Variants in GSTCD observed in about 807,000 individuals in gnomAD.
GSTCD encodes the protein glutathione S-transferase C-terminal domain containing, also known as glutathione S-transferase C-terminal domain-containing protein.
A neutral mutation model predicts 68.3 loss-of-function variants in GSTCD; 44 were observed. The ratio of observed to expected loss-of-function variants is 0.64; its 90% confidence interval spans 0.51 to 0.83. GSTCD has a LOEUF of 0.83. GSTCD is among the 40% of genes least tolerant of loss of function. The pLI is 0.00. For synonymous variants in GSTCD, 273 were observed against 255.2 expected, an observed-to-expected ratio of 1.07 and a Z score of -0.67; for missense variants, 739 against 735.9, an observed-to-expected ratio of 1.00 and a Z score of -0.05.
At position 105,834,587 on chromosome 4, in the gene GSTCD, C is replaced by G. The variant is rs756961867; in HGVS notation, c.1657C>G (p.Pro553Ala). 1 of 1,613,354 alleles carries G rather than the reference C, an allele frequency of 6.2e-7. No homozygotes were observed. ...TCAGAACACCTCAAAGTTCAATTTT[C>G]CAAAAAGGTGAGAAATTCAGTGTTC... ...FIQNTSKFNF[P>A]KSEQFKKTLS... is the part of the protein sequence containing the mutation. Residue 553 changes from proline to alanine, a missense_variant, in exon 9 of 12, where the codon CCA (proline) becomes GCA (alanine). Coordinates refer to ENST00000515279, the MANE Select transcript of GSTCD (RefSeq NM_001370181.1).
chr4:105,831,691 G>GT (rs1389974541), intron 8 of GSTCD, among the ~76,000 whole-genome samples: 2 of 151,874 alleles, frequency 1.3e-5, no homozygotes, highest in Non-Finnish European at 2.9e-5. Flanking sequence ...TAAGCCTTTT[G>GT]TTTGTGCTGT....
rs767826772 is a variant in GSTCD at position 105,717,790 on chromosome 4, T to C, written c.177T>C (p.Asp59=). 7.4e-6 allele frequency: 12 copies of C among 1,612,682 alleles called. No individual in the cohort carries two copies. Among genetic ancestry groups the C allele is most frequent in the East Asian group, 6.7e-5 (3 of 44,876 alleles). The change falls in exon 2 of 12, where the codon GAT becomes GAC. Residue 59 remains aspartate (D), a synonymous_variant. Coordinates refer to ENST00000515279, the MANE Select transcript of GSTCD (RefSeq NM_001370181.1). ...CLVVTKEVSR[D]SSLLRDDLIQ... is the part of the protein sequence containing the mutation. ...TTGTCACCAAAGAGGTGAGTAGAGA[T>C]AGTTCACTACTAAGAGATGACCTGA...
At chr4:105,743,906 G>A (rs549751198) in intron 5 of GSTCD, among the ~76,000 whole-genome samples, 4 of 151,924 alleles carry the variant, frequency 2.6e-5, no homozygotes, top group Non-Finnish European at 5.9e-5. Flanking sequence ...GTGATCGCCC[G>A]CCTTGGCCTC....
chr4:105,790,029 A>G (rs1735604960), intron 5 of GSTCD, among the ~76,000 whole-genome samples: 1 of 152,040 alleles, frequency 6.6e-6, no homozygotes, highest in Non-Finnish European at 1.5e-5. Context: ...TTAATATTGC[A>G]GTAGGGGAAA....
At position 105,845,933 on chromosome 4, in the gene GSTCD, CA is replaced by C. The variant is rs1724530341; in HGVS notation, c.*357del. ...TGTTTAATTCAAAACAGCGCACTTACAGCCTTTATTTTATACTTATTTAGAT... is the reference window on the plus strand; with the variant it reads ...TGTTTAATTCAAAACAGCGCACTTACGCCTTTATTTTATACTTATTTAGAT... On this transcript the variant is annotated 3_prime_UTR_variant, in exon 12 of 12. Coordinates refer to ENST00000515279, the MANE Select transcript of GSTCD (RefSeq NM_001370181.1). The C allele has an allele frequency of 1.0e-5, 2 of 192,996 alleles. No individual in the cohort carries two copies. The highest frequency in any genetic ancestry group is 2.8e-4 in the South Asian group (2 of 7,258). 12.0% of individuals were successfully genotyped at this position (192,996 alleles called of 1,614,324 possible). A position where few individuals can be genotyped will look rare whatever the true frequency, so the allele number is the denominator to read the frequency against.
chr4:105,760,696 C>T (rs1578445806), intron 5 of GSTCD, among the ~76,000 whole-genome samples: 1 of 152,042 alleles, frequency 6.6e-6, no homozygotes, highest in East Asian at 1.9e-4. Context: ...GAGGGAGCAG[C>T]ATAAATGAAA....
Position 105,735,375 on chromosome 4 carries a change from C to T in GSTCD, c.1240+5876C>T, listed in dbSNP as rs1263581732. Among the ~76,000 whole-genome samples, 6 of 152,170 alleles carry T rather than the reference C, an allele frequency of 3.9e-5. No individual in the cohort carries two copies. In the East Asian group the frequency reaches 7.7e-4, roughly 20 times the overall value. On this transcript the variant is annotated intron_variant, in intron 5 of 11. Transcript: ENST00000515279. Reference sequence around the variant, plus strand: ...TTACCTACTCAAGCCTCAGCAATGGCGGGCACCCCTTCCCCAGCCTCGCTG... The same window carrying T: ...TTACCTACTCAAGCCTCAGCAATGGTGGGCACCCCTTCCCCAGCCTCGCTG...
chr4:105,731,952 A>G (rs1733258324), intron 5 of GSTCD, among the ~76,000 whole-genome samples: 1 of 152,134 alleles, frequency 6.6e-6, no homozygotes, highest in Admixed American at 6.5e-5. Flanking sequence ...TGAGATAATC[A>G]TGTGGTTTTT....
intron 5 of GSTCD, among the ~76,000 whole-genome samples, chr4:105,816,285 A>G (rs1722980526): frequency 6.6e-6 from 1 of 152,122 alleles, no homozygotes; most frequent in African/African-American, 2.4e-5. Flanking sequence ...GATCTTCCCA[A>G]TCTATTTTCA....
intron 5 of GSTCD, chr4:105,761,090 G>C (rs1440947592): frequency 2.5e-5 from 4 of 157,618 alleles, no homozygotes; most frequent in Non-Finnish European, 4.6e-5. Flanking sequence ...TGGAACCCCA[G>C]CCTCCCGGGT....
At chr4:105,784,576 T>C (rs1735394630) in intron 5 of GSTCD, among the ~76,000 whole-genome samples, 1 of 152,216 alleles carries the variant, frequency 6.6e-6, no homozygotes, top group South Asian at 2.1e-4. Flanking sequence ...CCATTGATGA[T>C]TGTTGCCTGA....
At chr4:105,738,613 AT>A (rs569396315) in intron 5 of GSTCD, among the ~76,000 whole-genome samples, 105 of 149,842 alleles carry the variant, frequency 7.0e-4, no homozygotes, top group Non-Finnish European at 1.3e-3. Flanking sequence ...AGTTAAATTC[AT>A]TTTTTTTTCT....
At chr4:105,812,707 C>G (rs935751922) in intron 5 of GSTCD, among the ~76,000 whole-genome samples, 9 of 152,020 alleles carry the variant, frequency 5.9e-5, no homozygotes, top group African/African-American at 2.2e-4. Flanking sequence ...TGTTTTAACT[C>G]CAGCACTCCC....
At chr4:105,783,748 C>T (rs1735366178) in intron 5 of GSTCD, among the ~76,000 whole-genome samples, 1 of 152,154 alleles carries the variant, frequency 6.6e-6, no homozygotes, top group Non-Finnish European at 1.5e-5. Context: ...CAAATGTCAT[C>T]AATTGTCCCA....
At chr4:105,740,393 C>G (rs560255275) in intron 5 of GSTCD, among the ~76,000 whole-genome samples, 1 of 151,952 alleles carries the variant, frequency 6.6e-6, no homozygotes, top group Non-Finnish European at 1.5e-5. Context: ...GGGGAATGGG[C>G]GGGTGGAGAC....
At chr4:105,798,207 G>C (rs1223342848) in intron 5 of GSTCD, among the ~76,000 whole-genome samples, 1 of 151,924 alleles carries the variant, frequency 6.6e-6, no homozygotes, top group African/African-American at 2.4e-5. Context: ...CACCAATTCA[G>C]TCCCATCTTC....
chr4:105,717,816 T>A lies in GSTCD; in HGVS notation c.203T>A (p.Ile68Asn). Residue 68 changes from isoleucine (I) to asparagine (N), a missense_variant, in exon 2 of 12, where the codon ATC becomes AAC. Ile to Asn is a moderately radical substitution (Grantham distance 149). Transcript: ENST00000515279. ...RDSSLLRDDL[I>N]QDVEIQIISR... Reference sequence around the variant, plus strand: ...AGTTCACTACTAAGAGATGACCTGATCCAGGATGTTGAAATACAGATTATT... The same window carrying A: ...AGTTCACTACTAAGAGATGACCTGAACCAGGATGTTGAAATACAGATTATT... 1 of 1,614,044 alleles carries A rather than the reference T, an allele frequency of 6.2e-7. No individual in the cohort carries two copies. The highest frequency in any genetic ancestry group is 8.5e-7 in the Non-Finnish European group (1 of 1,179,934).
chr4:105,766,460 T>C (rs1734610491), intron 5 of GSTCD, among the ~76,000 whole-genome samples: 4 of 152,364 alleles, frequency 2.6e-5, no homozygotes, highest in Admixed American at 2.6e-4. Context: ...AGTTCCCCGC[T>C]ATATAGAATA....
rs1433019573 is a variant in GSTCD at position 105,717,778 on chromosome 4, G to C, written c.165G>C (p.Glu55Asp). 6.2e-7 allele frequency: 1 copy of C among 1,613,764 alleles called. No individual in the cohort carries two copies. The highest frequency in any genetic ancestry group is 8.5e-7 in the Non-Finnish European group (1 of 1,179,818). ...IFKICLVVTK[E>D]VSRDSSLLRD... ...AAATTTGCTTAGTTGTCACCAAAGA[G>C]GTGAGTAGAGATAGTTCACTACTAA... Residue 55 changes from glutamate to aspartate, a missense_variant, in exon 2 of 12, where the codon GAG becomes GAC. By Grantham distance (45) the Glu-to-Asp change is conservative. Coordinates refer to ENST00000515279, the MANE Select transcript of GSTCD (RefSeq NM_001370181.1).
Sources: gnomAD v4.1 joint callset for allele counts (sites outside exome capture counted in the v4.1 genomes callset) on GRCh38, gnomAD v4.1.1 for gene constraint, MANE v1.5 for transcripts, NCBI Gene and HGNC (gene_info 2026-07-23, HGNC 2026-07-21) for gene names.